The following PIEZO2 variants were observed in gnomAD, a reference collection of about 807,000 sequenced individuals.
PIEZO2 encodes piezo-type mechanosensitive ion channel component 2.
In PIEZO2, 172 loss-of-function variants were observed where a neutral mutation model predicts 337.3. The observed-to-expected ratio is 0.51, with a 90% CI of 0.45 to 0.58. The LOEUF is 0.58. Ranked by LOEUF, PIEZO2 falls within the 20% of genes least tolerant of loss-of-function variation. The probability of loss-of-function intolerance (pLI) is 0.00; values close to 1 mark genes in which losing one functional copy is unlikely to be tolerated. For missense variants in PIEZO2, 3,028 were observed against 3,391.3 expected (o/e 0.89, Z 2.66); for synonymous variants, 1,251 against 1,228.5 (o/e 1.02, Z -0.38).
chr18:10,719,654 T>G (rs2036172698), intron 36 of PIEZO2, among the ~76,000 whole-genome samples: 1 of 152,226 alleles, frequency 6.6e-6, no homozygotes, highest in Admixed American at 6.5e-5. Flanking sequence ...AGTGCTACAA[T>G]AAACATGTGA....
At position 11,148,077 on chromosome 18, in the gene PIEZO2, C is replaced by CA. The variant is rs929474084; in HGVS notation, c.64+447_64+448insT. On this transcript the variant is annotated intron_variant, in intron 1 of 55. Transcript: ENST00000674853. The surrounding 1 kb of genome is among the most constrained non-coding windows in gnomAD (Gnocchi z 5.2). The stretch of plus-strand genomic sequence containing the variant: ...TCCTTCACTTCTTCCTTCACGGTTG[C>CA]TGGGATTTGGGGTCTGGGAGAGATG... Among the ~76,000 whole-genome samples the CA allele has an allele frequency of 1.1e-4, 17 of 152,078 alleles. No individual in the cohort carries two copies. The highest frequency in any genetic ancestry group is 3.4e-4 in the African/African-American group (14 of 41,420).
intron 4 of PIEZO2, among the ~76,000 whole-genome samples, chr18:10,887,837 A>G (rs1300407163): frequency 6.6e-6 from 1 of 152,168 alleles, no homozygotes; most frequent in African/African-American, 2.4e-5. Flanking sequence ...CTTGCAAAAC[A>G]TACACAGACA....
In PIEZO2 at chr18:10,726,524, G is replaced by C; in HGVS notation, c.5029+4883C>G. On this transcript the variant is annotated intron_variant, in intron 36 of 55. Coordinates refer to ENST00000674853, the MANE Select transcript of PIEZO2 (RefSeq NM_001378183.1). The surrounding 1 kb of genome is among the most constrained non-coding windows in gnomAD (Gnocchi z 5.9). ...CAAGCAGCCGTTCCTGTGGCGCGCT[G>C]CGCTGCTCTGCTCTGCTACACCAGC... 6.8e-7 allele frequency: 1 copy of C among 1,471,600 alleles called. No individual in the cohort carries two copies. The highest frequency in any genetic ancestry group is 9.0e-7 in the Non-Finnish European group (1 of 1,111,616). 91.2% of individuals were successfully genotyped at this position (1,471,600 alleles called of 1,614,324 possible).
chr18:10,842,907 G>C (rs966591400), intron 7 of PIEZO2, among the ~76,000 whole-genome samples: 4 of 152,218 alleles, frequency 2.6e-5, no homozygotes, highest in African/African-American at 9.6e-5. Flanking sequence ...GAAAGCTTTT[G>C]TAGCAAATTC....
chr18:11,071,787 A>G (rs964244645), intron 1 of PIEZO2, among the ~76,000 whole-genome samples: 5 of 152,192 alleles, frequency 3.3e-5, no homozygotes, highest in African/African-American at 1.2e-4. Flanking sequence ...CCCAGTGTGC[A>G]AGCAGAGGCC....
intron 2 of PIEZO2, among the ~76,000 whole-genome samples, chr18:10,990,680 A>G (rs569860214): frequency 1.3e-5 from 2 of 151,388 alleles, no homozygotes; most frequent in East Asian, 3.9e-4. Flanking sequence ...ATATATGTAT[A>G]TTATATAATT....
In PIEZO2 at chr18:10,830,039, C is replaced by T. The variant is rs1036131349; in HGVS notation, c.918-22765G>A. ...CTGGAGGAATCACATTACCTCACTT[C>T]GAATTATACTACAGAGCTCTAGTAA... On this transcript the variant is annotated intron_variant, in intron 7 of 55. Transcript: ENST00000674853. The surrounding 1 kb of genome is among the most constrained non-coding windows in gnomAD (Gnocchi z 4.7). Among the ~76,000 whole-genome samples, 4 of 151,872 alleles carry T rather than the reference C, an allele frequency of 2.6e-5. No individual in the cohort carries two copies. The highest frequency in any genetic ancestry group is 5.9e-5 in the Non-Finnish European group (4 of 67,978).
chr18:10,769,646 G>T (rs1418921307), intron 21 of PIEZO2: 1 of 152,450 alleles, frequency 6.6e-6, no homozygotes, highest in Non-Finnish European at 1.5e-5. Flanking sequence ...CTGTTGGCTG[G>T]ATGACGACTC....
At position 11,021,055 on chromosome 18, in the gene PIEZO2, C is replaced by A. The variant is rs2036291854; in HGVS notation, c.161-41395G>T. Among the ~76,000 whole-genome samples, 1 of 152,208 alleles carries A rather than the reference C, an allele frequency of 6.6e-6. No homozygotes were observed. The highest frequency in any genetic ancestry group is 2.1e-4 in the South Asian group (1 of 4,832). ...AAAAGCACTAACCCTCATGGAGTCA[C>A]TGTAGGAAGTGACTTGTCTGGAGCT... On this transcript the variant is annotated intron_variant, in intron 2 of 55. Transcript: ENST00000674853. This position sits in a 1 kb window ranked among gnomAD's most constrained non-coding sequence, Gnocchi z 4.7.
At chr18:11,030,393 T>G (rs1568311392) in intron 2 of PIEZO2, among the ~76,000 whole-genome samples, 1 of 152,108 alleles carries the variant, frequency 6.6e-6, no homozygotes, top group Non-Finnish European at 1.5e-5. Flanking sequence ...TTGGAGACCA[T>G]GTTTCATTAG....
In PIEZO2 at chr18:10,705,708, C is replaced by G. The variant is rs62622495; in HGVS notation, c.5627G>C (p.Gly1876Ala). 891 of 1,536,232 alleles carry G rather than the reference C, an allele frequency of 5.8e-4. 4 individuals are homozygous for G. In the African/African-American group the frequency reaches 0.011, roughly 20 times the overall value. Residue 1876 changes from glycine to alanine, a missense_variant, in exon 41 of 56, where the codon GGG becomes GCG. Gly to Ala is a moderately conservative substitution (Grantham distance 60). Coordinates refer to ENST00000674853, the MANE Select transcript of PIEZO2 (RefSeq NM_001378183.1). ...CACCTCCTCGATGGTCTCAGTGGTCCCCTGGCGTGAGTACAGCATGGTACA... is the reference window on the plus strand; with the variant it reads ...CACCTCCTCGATGGTCTCAGTGGTCGCCTGGCGTGAGTACAGCATGGTACA... ...TQCTMLYSRQ[G>A]TTETIEEVEA...
At chr18:10,985,957 A>C (rs8084416) in intron 2 of PIEZO2, among the ~76,000 whole-genome samples, 5,071 of 152,082 alleles carry the variant, frequency 0.033, 148 homozygotes, top group African/African-American at 0.072. Flanking sequence ...ATAAAAAAAA[A>C]TCCAGCTATA....
At chr18:10,704,935 C>A in intron 41 of PIEZO2, among the ~76,000 whole-genome samples, 1 of 152,348 alleles carries the variant, frequency 6.6e-6, no homozygotes, top group South Asian at 2.1e-4. Context: ...AGGTGATCCA[C>A]CCGCCTCAGC....
intron 40 of PIEZO2, among the ~76,000 whole-genome samples, chr18:10,706,827 A>G (rs1000908426): frequency 3.3e-5 from 5 of 152,158 alleles, no homozygotes; most frequent in Non-Finnish European, 7.3e-5. Flanking sequence ...TGGGAGGGTG[A>G]CATGTTAGAC....
At chr18:10,836,092 G>A (rs1026453187) in intron 7 of PIEZO2, among the ~76,000 whole-genome samples, 1 of 152,086 alleles carries the variant, frequency 6.6e-6, no homozygotes, top group South Asian at 2.1e-4. Context: ...CCCAGGTACT[G>A]GATTACATGA....
At chr18:11,019,479 A>C (rs1305938286) in intron 2 of PIEZO2, among the ~76,000 whole-genome samples, 3 of 152,054 alleles carry the variant, frequency 2.0e-5, no homozygotes, top group Non-Finnish European at 4.4e-5. Flanking sequence ...TGGTGTGGTA[A>C]ACTCATCTCC....
At position 10,942,071 on chromosome 18, in the gene PIEZO2, C is replaced by T. The variant is rs1418188378; in HGVS notation, c.287-30843G>A. On this transcript the variant is annotated intron_variant, in intron 3 of 55. Transcript: ENST00000674853. The surrounding 1 kb of genome is among the most constrained non-coding windows in gnomAD (Gnocchi z 4.4). The stretch of plus-strand genomic sequence containing the variant: ...GCTCCTCCTTGCTTTCGGCCACGAT[C>T]GTGAGGCCTCTCCAGCCATGTGGAA... Among the ~76,000 whole-genome samples, 4 of 152,214 alleles carry T rather than the reference C, an allele frequency of 2.6e-5. No homozygotes were observed. The highest frequency in any genetic ancestry group is 4.4e-5 in the Non-Finnish European group (3 of 68,026).
chr18:10,978,340 A>C (rs139345338), intron 3 of PIEZO2, among the ~76,000 whole-genome samples: 5,214 of 152,130 alleles, frequency 0.034, 155 homozygotes, highest in African/African-American at 0.075. Context: ...CATCTCAAAA[A>C]AAAAACAAAA....
intron 5 of PIEZO2, among the ~76,000 whole-genome samples, chr18:10,857,779 G>C (rs1282742318): frequency 6.6e-6 from 1 of 152,182 alleles, no homozygotes; most frequent in Non-Finnish European, 1.5e-5. Flanking sequence ...TGATACGCTG[G>C]TTCAAGCCTC....
Sources: gnomAD v4.1 joint callset for allele counts (sites outside exome capture counted in the v4.1 genomes callset) on GRCh38, gnomAD v4.1.1 for gene constraint, Gnocchi (gnomAD v3.1) non-coding constraint, MANE v1.5 for transcripts, NCBI Gene and HGNC (gene_info 2026-07-23, HGNC 2026-07-21) for gene names.